The following NCAM2 variants were observed in gnomAD, a reference collection of about 807,000 sequenced individuals.
The protein encoded by NCAM2 is neural cell adhesion molecule 2.
Under a neutral mutation model 98.1 loss-of-function variants are expected in NCAM2, and 30 were observed. The ratio of observed to expected loss-of-function variants is 0.31; its 90% CI spans 0.23 to 0.41. The LOEUF (loss-of-function observed/expected upper bound fraction) is 0.41. Ranked by LOEUF, NCAM2 falls within the 10% of genes least tolerant of loss-of-function variation. The pLI, the probability that NCAM2 is intolerant of heterozygous loss-of-function variation, is 1.00. For missense variants in NCAM2, 867 were observed against 1,005.8 expected, an observed-to-expected ratio of 0.86 and a Z score of 1.87; for synonymous variants, 368 against 342.4, an observed-to-expected ratio of 1.07 and a Z score of -0.83.
intron 1 of NCAM2, among the ~76,000 whole-genome samples, chr21:21,032,863 C>G (rs747286202): frequency 6.6e-6 from 1 of 152,008 alleles, no homozygotes; most frequent in Admixed American, 6.6e-5. Flanking sequence ...AAAACTTTGT[C>G]TACATACTTT....
chr21:20,999,405 A>G (rs1344258426), intron 1 of NCAM2, among the ~76,000 whole-genome samples: 1 of 152,128 alleles, frequency 6.6e-6, no homozygotes, highest in African/African-American at 2.4e-5. Flanking sequence ...AATTTGTGGA[A>G]GCTATCACTG....
intron 16 of NCAM2, 22 bp downstream of exon 16, chr21:21,509,077 C>G (rs372564323): frequency 1.2e-6 from 2 of 1,611,212 alleles, no homozygotes; most frequent in Non-Finnish European, 8.5e-7. Context: ...GCATCTACAT[C>G]ATGTCATATT....
At chr21:21,438,392 T>C (rs967435957) in intron 12 of NCAM2, among the ~76,000 whole-genome samples, 4 of 152,184 alleles carry the variant, frequency 2.6e-5, no homozygotes, top group Admixed American at 6.6e-5. Context: ...ACTGTGCACC[T>C]GGTCCTAGGT....
chr21:21,312,413 A>G (rs1157554250), intron 5 of NCAM2, among the ~76,000 whole-genome samples: 1 of 151,374 alleles, frequency 6.6e-6, no homozygotes, highest in Non-Finnish European at 1.5e-5. Flanking sequence ...TTTAAAGAAC[A>G]ATTATTTAAT....
At chr21:21,245,565 A>C (rs2071234638) in intron 1 of NCAM2, among the ~76,000 whole-genome samples, 1 of 152,190 alleles carries the variant, frequency 6.6e-6, no homozygotes, top group South Asian at 2.1e-4. Context: ...CCATGAAGAT[A>C]ATGTGGGTCA....
chr21:21,452,540 A>T (rs563120323), intron 12 of NCAM2, among the ~76,000 whole-genome samples: 1 of 127,694 alleles, frequency 7.8e-6, no homozygotes, highest in East Asian at 2.2e-4. Flanking sequence ...TATTATAAAT[A>T]AATATATAAT....
intron 1 of NCAM2, among the ~76,000 whole-genome samples, chr21:21,185,143 A>G (rs1207211258): frequency 3.3e-5 from 5 of 152,182 alleles, no homozygotes; most frequent in African/African-American, 7.2e-5. Flanking sequence ...AAAATCTAAC[A>G]TTTAACACAC....
At chr21:21,534,041 A>C (rs1334213589) in intron 16 of NCAM2, among the ~76,000 whole-genome samples, 1 of 152,048 alleles carries the variant, frequency 6.6e-6, no homozygotes, top group African/African-American at 2.4e-5. Context: ...AAGACAACAC[A>C]TACAAATTTT....
chr21:21,119,044 GTTTTA>G (rs2066620150), intron 1 of NCAM2, among the ~76,000 whole-genome samples: 2 of 151,902 alleles, frequency 1.3e-5, no homozygotes, highest in African/African-American at 4.8e-5. Flanking sequence ...TCTGTTTTAC[GTTTTA>G]TTTTGTTTTG....
intron 9 of NCAM2, among the ~76,000 whole-genome samples, chr21:21,378,322 T>G (rs1399358686): frequency 6.6e-6 from 1 of 152,062 alleles, no homozygotes; most frequent in Non-Finnish European, 1.5e-5. Context: ...CCTTTTTATC[T>G]ACTTCCTCTT....
At chr21:21,435,484 C>T (rs186185088) in intron 12 of NCAM2, among the ~76,000 whole-genome samples, 6 of 152,168 alleles carry the variant, frequency 3.9e-5, no homozygotes, top group African/African-American at 1.2e-4. Flanking sequence ...TTTTTTCCTC[C>T]GCCTAGTTTT....
At chr21:21,184,590 C>T (rs1342576829) in intron 1 of NCAM2, among the ~76,000 whole-genome samples, 1 of 152,074 alleles carries the variant, frequency 6.6e-6, no homozygotes, top group African/African-American at 2.4e-5. Context: ...AGTGCACAAC[C>T]ATTGTTAATA....
intron 2 of NCAM2, among the ~76,000 whole-genome samples, chr21:21,282,169 C>G (rs2072952275): frequency 6.6e-6 from 1 of 151,672 alleles, no homozygotes; most frequent in Non-Finnish European, 1.5e-5. Flanking sequence ...TTATTAATAT[C>G]CTCATAAATT....
intron 1 of NCAM2, among the ~76,000 whole-genome samples, chr21:21,032,157 T>C (rs6518038): frequency 0.72 from 109,904 of 152,080 alleles, 40,038 homozygotes; most frequent in Admixed American, 0.79. Context: ...TTTAGAAAAG[T>C]ATTGGTTACA....
At chr21:21,431,681 G>A (rs1350687105) in intron 11 of NCAM2, among the ~76,000 whole-genome samples, 2 of 151,878 alleles carry the variant, frequency 1.3e-5, no homozygotes, top group African/African-American at 2.4e-5. Flanking sequence ...AATACATTTT[G>A]TATTTTCACA....
At chr21:21,043,195 G>A (rs763204701) in intron 1 of NCAM2, among the ~76,000 whole-genome samples, 25 of 152,130 alleles carry the variant, frequency 1.6e-4, no homozygotes, top group African/African-American at 4.8e-4. Flanking sequence ...GTTAAAGTTC[G>A]TGCCATTATC....
chr21:21,316,537 T>TC (rs1345372571), intron 5 of NCAM2, among the ~76,000 whole-genome samples: 1 of 143,616 alleles, frequency 7.0e-6, no homozygotes, highest in African/African-American at 2.6e-5. Flanking sequence ...TTTATTCTTT[T>TC]TTTTTTTTTT....
chr21:21,271,806 G>A (rs112416675), intron 1 of NCAM2, among the ~76,000 whole-genome samples: 1 of 152,158 alleles, frequency 6.6e-6, no homozygotes, highest in African/African-American at 2.4e-5. Flanking sequence ...TTTTTTGTTT[G>A]TGTTATTTTG....
chr21:21,337,429 TAA>T (rs2074902650), intron 7 of NCAM2, among the ~76,000 whole-genome samples: 1 of 152,064 alleles, frequency 6.6e-6, no homozygotes, highest in Non-Finnish European at 1.5e-5. Context: ...GTTAATGAAA[TAA>T]AGAGTGAATT....
Sources: gnomAD v4.1 joint callset for allele counts (sites outside exome capture counted in the v4.1 genomes callset) on GRCh38, gnomAD v4.1.1 for gene constraint, MANE v1.5 for transcripts, NCBI Gene and HGNC (gene_info 2026-07-23, HGNC 2026-07-21) for gene names.